The following ATP2C1 variants were observed in gnomAD, a reference collection of about 807,000 sequenced individuals.
ATP2C1 encodes calcium-transporting ATPase type 2C member 1.
A neutral mutation model predicts 120.5 loss-of-function variants in ATP2C1; 31 were observed. That is an observed-to-expected ratio of 0.26 (90% confidence interval 0.19 to 0.35). ATP2C1 has a LOEUF of 0.35. Among genes scored for constraint, ATP2C1 ranks in the 10% least tolerant of loss-of-function variants. The pLI is 1.00. For synonymous variants in ATP2C1, 351 were observed against 358.7 expected (o/e 0.98, Z 0.24); for missense variants, 731 against 1,107.5 (o/e 0.66, Z 4.83).
chr3:130,993,045 T>TG, intron 21 of ATP2C1, 44 bp downstream of exon 21: 1 of 1,523,070 alleles, frequency 6.6e-7, no homozygotes, highest in Non-Finnish European at 9.1e-7. Flanking sequence ...GTATACAAAA[T>TG]GCTGCTACTT....
rs192151831 is a variant in ATP2C1, at chr3:130,930,719, A to G, written c.117+193A>G. 2.6e-5 allele frequency among the ~76,000 whole-genome samples: 4 copies of G among 152,278 alleles called. No homozygotes were observed. The East Asian group carries it at 7.7e-4, about 29-fold the overall frequency. On this transcript the variant is annotated intron_variant, in intron 3 of 27. Coordinates refer to ENST00000510168, the MANE Select transcript of ATP2C1 (RefSeq NM_001378687.1). The stretch of plus-strand genomic sequence containing the variant: ...GTTAAACTTGACAGAATTAAACATG[A>G]CTATATGACTTGAAATGTGGCTAGT...
intron 5 of ATP2C1, 90 bp downstream of exon 5, chr3:130,934,801 C>T (rs1300683283): frequency 5.6e-6 from 5 of 896,800 alleles, no homozygotes; most frequent in African/African-American, 1.7e-5. Context: ...GAGAAGTGCT[C>T]TCAGATTTTT....
chr3:130,972,733 C>T (rs572721598), intron 17 of ATP2C1, among the ~76,000 whole-genome samples: 8 of 149,194 alleles, frequency 5.4e-5, no homozygotes, highest in South Asian at 4.3e-4. Flanking sequence ...TTTGTCCTTG[C>T]GATAGTTTAC....
At chr3:131,015,378 A>G in intron 26 of ATP2C1, 1 of 593,794 alleles carries the variant, frequency 1.7e-6, no homozygotes, top group Non-Finnish European at 3.0e-6. Context: ...TACCTCCTGG[A>G]TGGTCAATTA....
intron 20 of ATP2C1, among the ~76,000 whole-genome samples, chr3:130,981,208 C>G (rs1359440573): frequency 2.0e-5 from 3 of 152,170 alleles, no homozygotes; most frequent in East Asian, 1.9e-4. Context: ...CCTTCTCCCC[C>G]TACTTCCAGG....
intron 2 of ATP2C1, chr3:130,918,422 T>A: frequency 9.8e-7 from 1 of 1,024,168 alleles, no homozygotes; most frequent in Non-Finnish European, 1.6e-6. Context: ...CAGCAGCATG[T>A]ACGGAATCCC....
At chr3:130,951,302 A>G (rs1414191049) in intron 8 of ATP2C1, among the ~76,000 whole-genome samples, 1 of 152,160 alleles carries the variant, frequency 6.6e-6, no homozygotes, top group Non-Finnish European at 1.5e-5. Flanking sequence ...CAACACTGGA[A>G]TTTTATCTGC....
At chr3:130,916,902 T>C (rs1010977057) in intron 2 of ATP2C1, among the ~76,000 whole-genome samples, 1 of 152,216 alleles carries the variant, frequency 6.6e-6, no homozygotes. Flanking sequence ...TGTAAATCAA[T>C]GTGTACTGAC....
chr3:130,869,422 TAAAAAATAAAAAAAAAAAAAAAA>T (rs2068344618), intron 1 of ATP2C1: 1 of 54,808 alleles, frequency 1.8e-5, no homozygotes, highest in Non-Finnish European at 3.1e-5. Context: ...GAATGATCAA[TAAAAAATAAAAAAAAAAAAAAAA>T]AAAAAAAAAA....
At chr3:130,897,246 A>G (rs1253626534) in intron 2 of ATP2C1, among the ~76,000 whole-genome samples, 33 of 152,210 alleles carry the variant, frequency 2.2e-4, no homozygotes, top group Non-Finnish European at 1.5e-5. Context: ...TTAAGCCTAC[A>G]GAAAAAGTTA....
intron 12 of ATP2C1, among the ~76,000 whole-genome samples, chr3:130,961,984 A>G (rs2060840841): frequency 6.6e-6 from 1 of 152,038 alleles, no homozygotes; most frequent in Admixed American, 6.6e-5. Flanking sequence ...AAGGACAAAA[A>G]AGAAACAGGT....
chr3:130,927,695 G>A (rs1489332436), intron 2 of ATP2C1: 8 of 152,270 alleles, frequency 5.3e-5, no homozygotes, highest in African/African-American at 1.9e-4. Context: ...GACCACAGGG[G>A]ACAGCCACCA....
intron 16 of ATP2C1, among the ~76,000 whole-genome samples, chr3:130,968,712 A>G (rs902717981): frequency 1.3e-5 from 2 of 152,164 alleles, no homozygotes; most frequent in Admixed American, 1.3e-4. Flanking sequence ...AGAAAGCAAT[A>G]CATGGTAGAA....
intron 2 of ATP2C1, 73 bp from the exon 3 acceptor site, chr3:130,930,343 A>T: frequency 1.0e-6 from 1 of 994,892 alleles, no homozygotes; most frequent in Non-Finnish European, 1.6e-6. Context: ...GAACTTTTGG[A>T]TTTTTATTAT....
intron 26 of ATP2C1, among the ~76,000 whole-genome samples, chr3:131,013,663 A>G (rs564402534): frequency 5.3e-5 from 8 of 152,226 alleles, no homozygotes; most frequent in Admixed American, 3.3e-4. Context: ...ACTTCATACT[A>G]AAGTACAAAG....
In ATP2C1 at chr3:130,937,350, T is replaced by G; in HGVS notation, c.325-78T>G. 1.9e-5 allele frequency: 23 copies of G among 1,230,900 alleles called. 1 individual carries two copies. The South Asian group carries it at 2.6e-4, about 14-fold the overall frequency. 76.2% of individuals were successfully genotyped at this position (1,230,900 alleles called of 1,614,324 possible). A position where few individuals can be genotyped will look rare whatever the true frequency, so the allele number is the denominator to read the frequency against. Reference sequence around the variant, plus strand: ...AAATCTGTTATTGTGGGACTGCAGATAGTTAGAAAAATAAAATACAGTTAA... The same window carrying G: ...AAATCTGTTATTGTGGGACTGCAGAGAGTTAGAAAAATAAAATACAGTTAA... On this transcript the variant is annotated intron_variant, in intron 5 of 27. Coordinates refer to ENST00000510168, the MANE Select transcript of ATP2C1 (RefSeq NM_001378687.1).
chr3:130,936,827 A>AC (rs1425579260), intron 5 of ATP2C1, among the ~76,000 whole-genome samples: 3 of 150,930 alleles, frequency 2.0e-5, no homozygotes, highest in African/African-American at 4.8e-5. Context: ...AAAAAAAAAA[A>AC]AAAAAAAAAC....
intron 2 of ATP2C1, among the ~76,000 whole-genome samples, chr3:130,898,486 A>G (rs2069840757): frequency 6.6e-6 from 1 of 152,148 alleles, no homozygotes; most frequent in South Asian, 2.1e-4. Context: ...GGTGTGGGAA[A>G]TATAGTTTAT....
At chr3:130,983,828 T>C (rs1411110839) in intron 20 of ATP2C1, among the ~76,000 whole-genome samples, 1 of 152,220 alleles carries the variant, frequency 6.6e-6, no homozygotes, top group Non-Finnish European at 1.5e-5. Context: ...CACCATGTCT[T>C]TTCCTGGCTT....
Sources: allele counts gnomAD v4.1 joint callset (sites outside exome capture counted in the v4.1 genomes callset), GRCh38; gene constraint gnomAD v4.1.1; transcripts MANE v1.5; gene names NCBI Gene and HGNC (gene_info 2026-07-23, HGNC 2026-07-21).